Variants in ENOX1 observed in about 807,000 individuals in gnomAD.
ENOX1 encodes ecto-NOX disulfide-thiol exchanger 1, also known as candidate growth-related and time keeping constitutive hydroquinone (NADH) oxidase.
A neutral mutation model predicts 82.5 loss-of-function variants in ENOX1; 42 were observed. That is an observed-to-expected ratio of 0.51 (90% CI 0.40 to 0.66). The LOEUF (loss-of-function observed/expected upper bound fraction) is 0.66. ENOX1 is among the 30% of genes least tolerant of loss of function. The pLI is 0.00. For synonymous variants in ENOX1, 271 were observed against 282.2 expected, an observed-to-expected ratio of 0.96 and a Z score of 0.40; for missense variants, 608 against 811.6, an observed-to-expected ratio of 0.75 and a Z score of 3.05.
intron 11 of ENOX1, among the ~76,000 whole-genome samples, chr13:43,307,533 C>T (rs1245890780): frequency 6.6e-6 from 1 of 152,192 alleles, no homozygotes; most frequent in African/African-American, 2.4e-5. Flanking sequence ...TCTTAGATTT[C>T]TTTCATTAGT....
intron 1 of ENOX1, among the ~76,000 whole-genome samples, chr13:43,732,336 T>C (rs896500263): frequency 6.6e-5 from 10 of 152,198 alleles, no homozygotes; most frequent in Admixed American, 3.9e-4. Flanking sequence ...TGACAGAAAA[T>C]ACACTGAACC....
Position 43,227,632 on chromosome 13 carries a change from A to G in ENOX1, c.1715-3494T>C, listed in dbSNP as rs117385646. 2.5e-3 allele frequency among the ~76,000 whole-genome samples: 387 copies of G among 152,304 alleles called. 1 individual carries two copies. The highest frequency in any genetic ancestry group is 0.02 in the Middle Eastern group (6 of 294). ...TTTTGAGCAAGGAAAATTTTCATTG[A>G]AACTATTTTGCTCATAACTAAGGGG... On this transcript the variant is annotated intron_variant, in intron 15 of 16. Transcript: ENST00000690772.
chr13:43,610,296 G>A (rs1424094210), intron 2 of ENOX1, among the ~76,000 whole-genome samples: 2 of 152,030 alleles, frequency 1.3e-5, no homozygotes, highest in Non-Finnish European at 2.9e-5. Flanking sequence ...TACATGCATG[G>A]GAGCACTTTT....
At chr13:43,552,468 G>A (rs552640043) in intron 2 of ENOX1, among the ~76,000 whole-genome samples, 7 of 152,012 alleles carry the variant, frequency 4.6e-5, no homozygotes, top group Admixed American at 2.0e-4. Flanking sequence ...CAGAATCTTA[G>A]GGTCAGAAGA....
At chr13:43,477,257 T>A (rs1458866382) in intron 3 of ENOX1, among the ~76,000 whole-genome samples, 2 of 151,630 alleles carry the variant, frequency 1.3e-5, no homozygotes, top group Non-Finnish European at 2.9e-5. Flanking sequence ...ACAACCTTAT[T>A]ATCATGATAG....
chr13:43,529,443 G>A (rs1211709494), intron 2 of ENOX1, among the ~76,000 whole-genome samples: 2 of 152,060 alleles, frequency 1.3e-5, no homozygotes, highest in African/African-American at 4.8e-5. Flanking sequence ...AAAAGTGAAA[G>A]TTCTTAATAT....
At chr13:43,777,499 T>C (rs1951984355) in intron 1 of ENOX1, among the ~76,000 whole-genome samples, 1 of 152,168 alleles carries the variant, frequency 6.6e-6, no homozygotes, top group South Asian at 2.1e-4. Context: ...TTTTATAAGA[T>C]GTTATCTTTG....
At chr13:43,589,946 C>T (rs1294256007) in intron 2 of ENOX1, among the ~76,000 whole-genome samples, 1 of 148,474 alleles carries the variant, frequency 6.7e-6, no homozygotes, top group Non-Finnish European at 1.5e-5. Flanking sequence ...ATAATTCCCA[C>T]AGATTAAGTT....
intron 16 of ENOX1, among the ~76,000 whole-genome samples, chr13:43,214,821 G>A (rs2041382882): frequency 6.6e-6 from 1 of 152,146 alleles, no homozygotes; most frequent in African/African-American, 2.4e-5. Flanking sequence ...GTTGTCCTGT[G>A]TTAGCATGCC....
At chr13:43,512,525 G>A (rs1349606185) in intron 2 of ENOX1, among the ~76,000 whole-genome samples, 4 of 151,812 alleles carry the variant, frequency 2.6e-5, no homozygotes, top group African/African-American at 9.7e-5. Context: ...CTATTCCAGA[G>A]ATGTTTAAAT....
At chr13:43,612,508 C>T (rs2082239460) in intron 2 of ENOX1, among the ~76,000 whole-genome samples, 1 of 142,786 alleles carries the variant, frequency 7.0e-6, no homozygotes. Flanking sequence ...CTAGAAAGGT[C>T]CGATTTTTTT....
intron 1 of ENOX1, among the ~76,000 whole-genome samples, chr13:43,742,403 G>GAGAGACAGAGAGAGAC (rs570308486): frequency 2.6e-5 from 4 of 150,952 alleles, no homozygotes; most frequent in African/African-American, 4.9e-5. Context: ...CTCAAGCAAA[G>GAGAGACAGAGAGAGAC]AGAGACAGAG....
intron 3 of ENOX1, among the ~76,000 whole-genome samples, chr13:43,419,574 C>CA (rs980885000): frequency 5.3e-5 from 8 of 151,264 alleles, no homozygotes; most frequent in Admixed American, 1.3e-4. Flanking sequence ...AAAACAAAAC[C>CA]AAAAAAAAGC....
Position 43,607,763 on chromosome 13 carries a change from G to T in ENOX1, c.-219+59716C>A, listed in dbSNP as rs1395969584. 3.3e-5 allele frequency among the ~76,000 whole-genome samples: 5 copies of T among 152,264 alleles called. No homozygotes were observed. The East Asian group carries it at 9.6e-4, about 29-fold the overall frequency. The stretch of plus-strand genomic sequence containing the variant: ...CAGCCTGCAGACTCAAGACCCTACT[G>T]CTCTTTCTAATGCATGATGCTGATT... On this transcript the variant is annotated intron_variant, in intron 2 of 16. Coordinates refer to ENST00000690772, the MANE Select transcript of ENOX1 (RefSeq NM_001347969.2).
At chr13:43,214,360 C>T (rs1384560625) in intron 16 of ENOX1, among the ~76,000 whole-genome samples, 1 of 152,170 alleles carries the variant, frequency 6.6e-6, no homozygotes, top group East Asian at 1.9e-4. Context: ...GTTCACCCTT[C>T]ATATGGATGG....
chr13:43,218,454 C>G lies in ENOX1; in HGVS notation c.1801-4333G>C, dbSNP rs578006358. On this transcript the variant is annotated intron_variant, in intron 16 of 16. Coordinates refer to ENST00000690772, the MANE Select transcript of ENOX1 (RefSeq NM_001347969.2). ...CCAGCCTGGGCAACATAGAGAGACC[C>G]AATCTCTACAAAACATACAAAAATT... is the stretch of plus-strand genomic sequence containing the variant. Among the ~76,000 whole-genome samples, 12 of 152,204 alleles carry G rather than the reference C, an allele frequency of 7.9e-5. No individual in the cohort carries two copies. The South Asian group carries it at 2.5e-3, about 32-fold the overall frequency.
intron 1 of ENOX1, among the ~76,000 whole-genome samples, chr13:43,770,919 C>T (rs1436664851): frequency 2.0e-5 from 3 of 151,942 alleles, no homozygotes; most frequent in Non-Finnish European, 2.9e-5. Context: ...AAATGGATGG[C>T]TTTGCTTCAT....
intron 2 of ENOX1, among the ~76,000 whole-genome samples, chr13:43,532,358 T>C (rs1216740878): frequency 1.3e-5 from 2 of 152,192 alleles, no homozygotes. Flanking sequence ...TGTTCTTCTA[T>C]GACAGTGGTT....
intron 2 of ENOX1, among the ~76,000 whole-genome samples, chr13:43,522,008 T>C (rs1384070459): frequency 2.0e-5 from 3 of 152,168 alleles, no homozygotes; most frequent in Non-Finnish European, 4.4e-5. Context: ...TGTATAACAA[T>C]TTATTTGTAG....
Sources: allele counts gnomAD v4.1 joint callset (sites outside exome capture counted in the v4.1 genomes callset), GRCh38; gene constraint gnomAD v4.1.1; transcripts MANE v1.5; gene names NCBI Gene and HGNC (gene_info 2026-07-23, HGNC 2026-07-21).